The following EFCAB7 variants were observed in gnomAD, a reference collection of about 807,000 sequenced individuals.
The protein encoded by EFCAB7 is EF-hand calcium-binding domain-containing protein 7.
A neutral mutation model predicts 77.1 loss-of-function variants in EFCAB7; 66 were observed. The observed-to-expected ratio is 0.86, with a 90% confidence interval of 0.70 to 1.05. The LOEUF is 1.05. EFCAB7 is among the 50% of genes least tolerant of loss of function. EFCAB7 has a pLI of 0.00. For synonymous variants in EFCAB7, 225 were observed against 243.3 expected (o/e 0.92, Z 0.70); for missense variants, 638 against 730.5 (o/e 0.87, Z 1.46).
At chr1:63,545,839 G>T in intron 6 of EFCAB7, 77 bp from the exon 7 acceptor site, 3 of 1,194,442 alleles carry the variant, frequency 2.5e-6, no homozygotes, top group Non-Finnish European at 3.6e-6. Flanking sequence ...ATATCCCCCT[G>T]TGTTTTCTCC....
intron 11 of EFCAB7, among the ~76,000 whole-genome samples, chr1:63,566,573 A>G (rs1647175976): frequency 6.6e-6 from 1 of 152,200 alleles, no homozygotes; most frequent in Non-Finnish European, 1.5e-5. Flanking sequence ...TTCAGTGAAT[A>G]TTCAAATATT....
chr1:63,562,756 G>A (rs1203374802), intron 11 of EFCAB7, among the ~76,000 whole-genome samples: 12 of 150,390 alleles, frequency 8.0e-5, no homozygotes, highest in Admixed American at 2.0e-4. Flanking sequence ...TTAAAATATA[G>A]AATTTAAGAG....
intron 6 of EFCAB7, 47 bp downstream of exon 6, chr1:63,534,263 A>T: frequency 6.4e-7 from 1 of 1,563,262 alleles, no homozygotes; most frequent in African/African-American, 1.4e-5. Context: ...AAAAAATTTG[A>T]CATTAAGTTT....
At chr1:63,552,502 A>G (rs1005868704) in intron 8 of EFCAB7, among the ~76,000 whole-genome samples, 4 of 152,206 alleles carry the variant, frequency 2.6e-5, no homozygotes, top group Admixed American at 2.6e-4. Context: ...TAAGATTACT[A>G]TCCTCAGGCT....
At chr1:63,567,707 G>A (rs904595312) in intron 11 of EFCAB7, among the ~76,000 whole-genome samples, 3 of 152,186 alleles carry the variant, frequency 2.0e-5, no homozygotes, top group African/African-American at 7.2e-5. Context: ...CAGGATAGCT[G>A]TTGCATAGAG....
chr1:63,555,134 A>G (rs1055809070), intron 8 of EFCAB7: 11 of 314,002 alleles, frequency 3.5e-5, no homozygotes, highest in Admixed American at 4.7e-5. Context: ...TGTTTCAAAA[A>G]TATATAAAGA....
intron 11 of EFCAB7, among the ~76,000 whole-genome samples, chr1:63,566,659 G>A (rs1471861929): frequency 2.0e-5 from 3 of 151,716 alleles, no homozygotes; most frequent in African/African-American, 7.3e-5. Context: ...TACCAGTACT[G>A]AACAAATAAA....
chr1:63,557,053 A>AT, intron 9 of EFCAB7, 61 bp from the exon 10 acceptor site: 1 of 1,352,794 alleles, frequency 7.4e-7, no homozygotes, highest in South Asian at 1.4e-5. Context: ...AAAAAAAAAA[A>AT]CCCTTCTTCA....
chr1:63,550,412 T>C (rs1346039377), intron 7 of EFCAB7: 1 of 152,162 alleles, frequency 6.6e-6, no homozygotes, highest in Non-Finnish European at 1.5e-5. Context: ...TTAAGTTTCC[T>C]TGTGATTAGT....
Position 63,561,727 on chromosome 1 carries a change from G to A in EFCAB7, c.1367G>A (p.Arg456Lys). 1 of 1,595,064 alleles carries A rather than the reference G, an allele frequency of 6.3e-7. No homozygotes were observed. The highest frequency in any genetic ancestry group is 8.5e-7 in the Non-Finnish European group (1 of 1,171,448). The change falls in exon 11 of 14, where the codon AGG (arginine) becomes AAG (lysine). Residue 456 changes from arginine (R) to lysine (K), a missense_variant. By Grantham distance (26) the Arg-to-Lys change is conservative. Transcript: ENST00000371088. Reference protein sequence around the residue: ...AVCRENFDTKRNELTRQGFMD... With the variant: ...AVCRENFDTKKNELTRQGFMD... Reference sequence around the variant, plus strand: ...TAAACAGAGAATTTTGATACAAAGAGGAATGAACTAACAAGACAAGGATTT... The same window carrying A: ...TAAACAGAGAATTTTGATACAAAGAAGAATGAACTAACAAGACAAGGATTT...
chr1:63,571,370 T>A (rs1348709124), intron 13 of EFCAB7, among the ~76,000 whole-genome samples: 2 of 152,096 alleles, frequency 1.3e-5, no homozygotes, highest in Non-Finnish European at 2.9e-5. Flanking sequence ...TCTCTAAATG[T>A]AAAATTAAGA....
the EFCAB7 span, among the ~76,000 whole-genome samples, chr1:63,583,938 CAAAAA>C: frequency 7.3e-5 from 6 of 82,636 alleles, no homozygotes; most frequent in African/African-American, 9.2e-5. Context: ...TGGATATGGC[CAAAAA>C]AAAAAAAAAA....
intron 6 of EFCAB7, among the ~76,000 whole-genome samples, chr1:63,545,530 G>A (rs1255445751): frequency 1.3e-5 from 2 of 152,220 alleles, no homozygotes; most frequent in East Asian, 1.9e-4. Flanking sequence ...ACAATGGCGC[G>A]ATCTCGGCTC....
chr1:63,535,839 A>G (rs1646755906), intron 6 of EFCAB7, among the ~76,000 whole-genome samples: 1 of 152,094 alleles, frequency 6.6e-6, no homozygotes, highest in Non-Finnish European at 1.5e-5. Flanking sequence ...GAACGACATG[A>G]TGAAAGTATA....
At chr1:63,551,552 C>T (rs1646964731) in intron 7 of EFCAB7, among the ~76,000 whole-genome samples, 173 bp from the exon 8 acceptor site, 2 of 151,598 alleles carry the variant, frequency 1.3e-5, no homozygotes, top group Non-Finnish European at 2.9e-5. Flanking sequence ...GATCGCACCA[C>T]TGCATTCCAG....
intron 6 of EFCAB7, among the ~76,000 whole-genome samples, chr1:63,542,617 T>C (rs58593947): frequency 0.017 from 2,640 of 152,280 alleles, 87 homozygotes; most frequent in African/African-American, 0.06. Context: ...TACCAATACT[T>C]GTCGTTTTCT....
intron 2 of EFCAB7, among the ~76,000 whole-genome samples, chr1:63,530,901 G>A (rs1321611015): frequency 6.6e-6 from 1 of 151,912 alleles, no homozygotes; most frequent in East Asian, 1.9e-4. Context: ...TGTATTTATG[G>A]GGTACAATTT....
chr1:63,538,319 T>C (rs1646787016), intron 6 of EFCAB7, among the ~76,000 whole-genome samples: 1 of 152,228 alleles, frequency 6.6e-6, no homozygotes, highest in African/African-American at 2.4e-5. Flanking sequence ...TATAATCCTT[T>C]CAAACTGATT....
At chr1:63,555,619 C>A in intron 9 of EFCAB7, 104 bp downstream of exon 9, 3 of 952,222 alleles carry the variant, frequency 3.2e-6, no homozygotes, top group Non-Finnish European at 4.5e-6. Flanking sequence ...TCCTCAGATT[C>A]TAATTCACCA....
Sources: gnomAD v4.1 joint callset for allele counts (sites outside exome capture counted in the v4.1 genomes callset) on GRCh38, gnomAD v4.1.1 for gene constraint, MANE v1.5 for transcripts, NCBI Gene and HGNC (gene_info 2026-07-23, HGNC 2026-07-21) for gene names.